Variants in COL14A1 observed in about 807,000 individuals in gnomAD.
COL14A1 encodes collagen alpha-1(XIV) chain.
A neutral mutation model predicts 230.3 loss-of-function variants in COL14A1; 136 were observed. That is an observed-to-expected ratio of 0.59 (90% CI 0.51 to 0.68). The LOEUF (loss-of-function observed/expected upper bound fraction) is 0.68. Among genes scored for constraint, COL14A1 ranks in the 30% least tolerant of loss-of-function variants. COL14A1 has a pLI of 0.00. For missense variants in COL14A1, 1,976 were observed against 2,215.8 expected, an observed-to-expected ratio of 0.89 and a Z score of 2.17; for synonymous variants, 792 against 784.1, an observed-to-expected ratio of 1.01 and a Z score of -0.17.
intron 13 of COL14A1, among the ~76,000 whole-genome samples, chr8:120,214,437 G>T (rs777391272): frequency 1.3e-4 from 20 of 152,316 alleles, no homozygotes; most frequent in South Asian, 2.1e-4. Context: ...AAGAGCTCAT[G>T]AAGCTGTCAA....
At chr8:120,155,091 T>A (rs1313597115) in intron 2 of COL14A1, among the ~76,000 whole-genome samples, 1 of 152,240 alleles carries the variant, frequency 6.6e-6, no homozygotes, top group African/African-American at 2.4e-5. Flanking sequence ...ATGTTATGTT[T>A]AACCAAGATC....
At chr8:120,228,572 C>T (rs1354644510) in intron 17 of COL14A1, 138 bp from the exon 18 acceptor site, 18 of 620,516 alleles carry the variant, frequency 2.9e-5, no homozygotes, top group South Asian at 6.6e-5. Flanking sequence ...TCATTTCTTT[C>T]GTCTTCTAAC....
At chr8:120,359,038 G>A (rs997205378) in intron 45 of COL14A1, among the ~76,000 whole-genome samples, 1 of 151,440 alleles carries the variant, frequency 6.6e-6, no homozygotes, top group Non-Finnish European at 1.5e-5. Flanking sequence ...AACATAATGA[G>A]TATCCTTGAT....
At position 120,310,079 on chromosome 8, in the gene COL14A1, CTCTCTCTCTCTGTCTCA is replaced by C; in HGVS notation, c.4455+29_4455+45del. 1 of 1,523,706 alleles carries C rather than the reference CTCTCTCTCTCTGTCTCA, an allele frequency of 6.6e-7. No homozygotes were observed. Among genetic ancestry groups the C allele is most frequent in the Non-Finnish European group, 9.0e-7 (1 of 1,116,446 alleles). 94.4% of individuals were successfully genotyped at this position (1,523,706 alleles called of 1,614,324 possible). A position where few individuals can be genotyped will look rare whatever the true frequency, so the allele number is the denominator to read the frequency against. ...GGTCCAAAGGTAATGCGCATGTTTTCTCTCTCTCTCTGTCTCATCTCTCTCTCTCTCTCATAAATAGC... is the reference window on the plus strand; with the variant it reads ...GGTCCAAAGGTAATGCGCATGTTTTCTCTCTCTCTCTCTCTCATAAATAGC... On this transcript the variant is annotated intron_variant, in intron 37 of 47. Coordinates refer to ENST00000297848, the MANE Select transcript of COL14A1 (RefSeq NM_021110.4).
intron 19 of COL14A1, chr8:120,232,121 T>A (rs1818291432): frequency 6.6e-6 from 1 of 152,358 alleles, no homozygotes; most frequent in Non-Finnish European, 1.5e-5. Flanking sequence ...TGACATCAAC[T>A]CGTATTGAGT....
At chr8:120,281,647 A>C (rs1820044768) in intron 31 of COL14A1, among the ~76,000 whole-genome samples, 1 of 152,102 alleles carries the variant, frequency 6.6e-6, no homozygotes, top group Non-Finnish European at 1.5e-5. Context: ...TAACTCACTC[A>C]AACCTCCAGA....
intron 45 of COL14A1, among the ~76,000 whole-genome samples, chr8:120,365,294 G>C (rs942492952): frequency 6.6e-6 from 1 of 152,196 alleles, no homozygotes; most frequent in Non-Finnish European, 1.5e-5. Context: ...TCCTGTTAAA[G>C]ATGATCCTGC....
chr8:120,331,587 A>AGCAAACACGT (rs1821866499), intron 40 of COL14A1, among the ~76,000 whole-genome samples: 1 of 152,226 alleles, frequency 6.6e-6, no homozygotes, highest in African/African-American at 2.4e-5. Flanking sequence ...GGGAATGAGG[A>AGCAAACACGT]GCAAACACGT....
intron 40 of COL14A1, among the ~76,000 whole-genome samples, chr8:120,327,176 T>C (rs1359403850): frequency 2.0e-5 from 3 of 152,234 alleles, no homozygotes; most frequent in Non-Finnish European, 4.4e-5. Flanking sequence ...GTGGATGCTG[T>C]TGGTGCCCTG....
intron 5 of COL14A1, among the ~76,000 whole-genome samples, chr8:120,195,283 G>A (rs1342890672): frequency 2.0e-5 from 3 of 151,888 alleles, no homozygotes; most frequent in Admixed American, 6.6e-5. Flanking sequence ...ACTTGTTTAT[G>A]AATACTTCTG....
At chr8:120,231,276 T>C (rs575067557) in intron 18 of COL14A1, among the ~76,000 whole-genome samples, 191 bp from the exon 19 acceptor site, 1 of 152,300 alleles carries the variant, frequency 6.6e-6, no homozygotes, top group South Asian at 2.1e-4. Context: ...TTAATTCCAC[T>C]TTTATTTGCT....
In COL14A1 at chr8:120,257,748, T is replaced by C. The variant is rs1819203143; in HGVS notation, c.2869+2392T>C. On this transcript the variant is annotated intron_variant, in intron 23 of 47. Transcript: ENST00000297848. The stretch of plus-strand genomic sequence containing the variant: ...CTCCAGGCAAAGGAGATACTAGGAA[T>C]AAATGAGACCCAATTTCCCCATGTG... Among the ~76,000 whole-genome samples the C allele has an allele frequency of 2.6e-5, 4 of 152,176 alleles. No homozygotes were observed. In the South Asian group the frequency reaches 8.3e-4, roughly 32 times the overall value.
At chr8:120,222,903 C>T (rs141843646) in intron 14 of COL14A1, among the ~76,000 whole-genome samples, 9 of 152,054 alleles carry the variant, frequency 5.9e-5, no homozygotes, top group African/African-American at 2.2e-4. Context: ...GCCATTGGTG[C>T]CAAGGAGGAA....
intron 19 of COL14A1, among the ~76,000 whole-genome samples, chr8:120,233,831 G>A (rs988414925): frequency 1.3e-5 from 2 of 152,112 alleles, no homozygotes; most frequent in African/African-American, 2.4e-5. Context: ...GAAATTTAAA[G>A]TAGTTTTTTC....
chr8:120,186,448 AG>A (rs2130662256), intron 5 of COL14A1, among the ~76,000 whole-genome samples: 1 of 152,362 alleles, frequency 6.6e-6, no homozygotes, highest in African/African-American at 2.4e-5. Context: ...CTAGTGGCAT[AG>A]AACAAAATAA....
chr8:120,369,479 G>A lies in COL14A1; in HGVS notation c.5305G>A (p.Val1769Met), dbSNP rs770522217. Reference protein sequence around the residue: ...CDPSSCSAYGVRAPHPDQPEF... With the variant: ...CDPSSCSAYGMRAPHPDQPEF... ...CCCCTCATCATGTTCTGCCTATGGT[G>A]TGAGAGGTAAGTGTCACAAAAAGCC... Residue 1769 changes from valine (V) to methionine (M), a missense_variant, in exon 47 of 48, where the codon GTG becomes ATG. Physicochemically the swap from Val to Met is conservative, Grantham distance 21 (BLOSUM62 1). Around this residue, in one of 3 missense-constraint regions of COL14A1, gnomAD observed 1,791 missense variants for 2,019.5 expected, o/e 0.89. Coordinates refer to ENST00000297848, the MANE Select transcript of COL14A1 (RefSeq NM_021110.4). 6 of 1,574,238 alleles carry A rather than the reference G, an allele frequency of 3.8e-6. No homozygotes were observed. The Admixed American group carries it at 1.1e-4, about 29-fold the overall frequency.
intron 45 of COL14A1, among the ~76,000 whole-genome samples, chr8:120,350,876 AC>A (rs1244237095): frequency 1.3e-5 from 2 of 151,634 alleles, no homozygotes; most frequent in Non-Finnish European, 2.9e-5. Context: ...TCAGCTCTGC[AC>A]CAAGCGGACC....
rs766766380 is a variant in COL14A1, at chr8:120,162,547, G to A, written c.327G>A (p.Lys109=). 1.2e-6 allele frequency: 2 copies of A among 1,607,650 alleles called. No individual in the cohort carries two copies. Among genetic ancestry groups the A allele is most frequent in the Non-Finnish European group, 1.7e-6 (2 of 1,177,394 alleles). Residue 109 remains lysine, a synonymous_variant, in exon 4 of 48, where the codon AAG becomes AAA. Coordinates refer to ENST00000297848, the MANE Select transcript of COL14A1 (RefSeq NM_021110.4). ...IIAYNKDKES[K]PAQGQFRIKD... ...CATACAATAAAGATAAAGAAAGCAA[G>A]CCAGCTCAAGGCCAATTCAGAAGTA... is the stretch of plus-strand genomic sequence containing the variant.
intron 34 of COL14A1, among the ~76,000 whole-genome samples, chr8:120,295,346 C>G (rs1289859166): frequency 6.6e-6 from 1 of 151,826 alleles, no homozygotes; most frequent in Non-Finnish European, 1.5e-5. Context: ...TCAAACAGAA[C>G]TAAGCCTTCA....
Sources: gnomAD v4.1 joint callset for allele counts (sites outside exome capture counted in the v4.1 genomes callset) on GRCh38, gnomAD v4.1.1 for gene constraint, gnomAD v4.1.1 regional missense constraint, MANE v1.5 for transcripts, NCBI Gene and HGNC (gene_info 2026-07-23, HGNC 2026-07-21) for gene names.